Variants in PPP6R2 observed in about 807,000 individuals in gnomAD.
PPP6R2 encodes the protein serine/threonine-protein phosphatase 6 regulatory subunit 2.
PPP6R2 carries 62 observed loss-of-function variants against 100.2 expected under a neutral mutation model. The observed-to-expected ratio is 0.62, with a 90% CI of 0.50 to 0.76. The LOEUF (loss-of-function observed/expected upper bound fraction) is 0.76, where lower values mean the gene tolerates loss of function less well. Ranked by LOEUF, PPP6R2 falls within the 30% of genes least tolerant of loss-of-function variation. PPP6R2 has a pLI of 0.00. For missense variants in PPP6R2, 1,142 were observed against 1,276.3 expected (o/e 0.89, Z 1.60); for synonymous variants, 525 against 514.7 (o/e 1.02, Z -0.27).
rs1603429273 is a variant in PPP6R2 at position 50,444,102 on chromosome 22, C to A, written c.2816C>A (p.Thr939Lys). 6.2e-7 allele frequency: 1 copy of A among 1,612,362 alleles called. No homozygotes were observed. The highest frequency in any genetic ancestry group is 8.5e-7 in the Non-Finnish European group (1 of 1,179,078). Residue 939 changes from threonine to lysine, a missense_variant, in exon 23 of 24, where the codon ACA becomes AAA. Thr to Lys is a moderately conservative substitution (Grantham distance 78, BLOSUM62 -1). Around this residue, in one of 2 missense-constraint regions of PPP6R2, gnomAD observed 550 missense variants for 517.4 expected, o/e 1.06. Transcript: ENST00000612753. Reference sequence around the variant, plus strand: ...CCAGCCATGGTGGCCACCCTGGGGACAGTGACAAAGGACGGGTGAGCAGGT... The same window carrying A: ...CCAGCCATGGTGGCCACCCTGGGGAAAGTGACAAAGGACGGGTGAGCAGGT... ...AAPAMVATLG[T>K]VTKDGKTDAP...
chr22:50,356,410 A>T (rs1438225638), intron 1 of PPP6R2, among the ~76,000 whole-genome samples: 1 of 149,468 alleles, frequency 6.7e-6, no homozygotes, highest in Non-Finnish European at 1.5e-5. Context: ...TGAGGTAGTC[A>T]TCACACCTCA....
chr22:50,441,388 G>A (rs1288781622), intron 22 of PPP6R2, among the ~76,000 whole-genome samples: 1 of 152,214 alleles, frequency 6.6e-6, no homozygotes, highest in African/African-American at 2.4e-5. Context: ...CCAGCTCTTG[G>A]GGCTCTGGGC....
At chr22:50,409,335 A>G (rs1257915054) in intron 4 of PPP6R2, among the ~76,000 whole-genome samples, 2 of 152,200 alleles carry the variant, frequency 1.3e-5, no homozygotes, top group Non-Finnish European at 2.9e-5. Flanking sequence ...ATTCCACATC[A>G]TCTGTTCATG....
Position 50,435,007 on chromosome 22 carries a change from C to A in PPP6R2, c.1442C>A (p.Thr481Lys). ...GMRRGNMGHLTRIANAVVQNL... is the reference protein window; with the variant it reads ...GMRRGNMGHLKRIANAVVQNL... ...AGACGTGGGAACATGGGCCACCTCA[C>A]ACGGATCGCCAACGCGGTGGTGCAG... Residue 481 changes from threonine (T) to lysine (K), a missense_variant, in exon 13 of 24, where the codon ACA becomes AAA. Physicochemically the swap from Thr to Lys is moderately conservative, Grantham distance 78. This residue lies in a region of PPP6R2 where 592 missense variants were observed against 758.9 expected (regional missense o/e 0.78). Coordinates refer to ENST00000612753, the MANE Select transcript of PPP6R2 (RefSeq NM_001242898.2). 1 of 1,605,430 alleles carries A rather than the reference C, an allele frequency of 6.2e-7. No individual in the cohort carries two copies. The highest frequency in any genetic ancestry group is 8.5e-7 in the Non-Finnish European group (1 of 1,176,380).
At chr22:50,422,506 C>A (rs2061470682) in intron 9 of PPP6R2, 126 bp downstream of exon 9, 8 of 1,267,158 alleles carry the variant, frequency 6.3e-6, no homozygotes, top group Non-Finnish European at 8.5e-6. Context: ...TCTAAGACGG[C>A]CATTCCCACA....
intron 3 of PPP6R2, among the ~76,000 whole-genome samples, chr22:50,396,059 G>A (rs939531974): frequency 2.2e-4 from 33 of 151,542 alleles, no homozygotes; most frequent in Admixed American, 2.0e-3. Flanking sequence ...GCAGGGCGTA[G>A]TGGCGCACGC....
rs892651551 is a variant in PPP6R2, at chr22:50,394,129, G to A, written c.221G>A (p.Arg74His). 1 of 1,613,860 alleles carries A rather than the reference G, an allele frequency of 6.2e-7. No individual in the cohort carries two copies. The highest frequency in any genetic ancestry group is 8.5e-7 in the Non-Finnish European group (1 of 1,179,914). Residue 74 changes from arginine to histidine, a missense_variant, in exon 3 of 24, where the codon CGC becomes CAC. Arg to His is a conservative substitution (Grantham distance 29, BLOSUM62 0). Around this residue, in one of 2 missense-constraint regions of PPP6R2, gnomAD observed 592 missense variants for 758.9 expected, o/e 0.78. Coordinates refer to ENST00000612753, the MANE Select transcript of PPP6R2 (RefSeq NM_001242898.2). The stretch of plus-strand genomic sequence containing the variant: ...CCCCTGGACATGGAGGAGAAGGTCC[G>A]CTTCAAGTATGTACCAAAGCTGTGA... ...DPPLDMEEKV[R>H]FKYPNTACEL...
chr22:50,397,116 AC>A (rs1268760923), intron 3 of PPP6R2, among the ~76,000 whole-genome samples: 6 of 152,172 alleles, frequency 3.9e-5, no homozygotes, highest in Non-Finnish European at 7.3e-5. Flanking sequence ...GTAGATAAGT[AC>A]AGAACCAAGC....
Position 50,436,393 on chromosome 22 carries a change from T to C in PPP6R2, c.1543T>C (p.Trp515Arg). The C allele has an allele frequency of 6.3e-7, 1 of 1,588,242 alleles. No individual in the cohort carries two copies. The highest frequency in any genetic ancestry group is 1.2e-5 in the South Asian group (1 of 86,736). ...GCTCCCTGCGGACTGCCGTGGCCGC[T>C]GGGAGAGCTTCGTGGAGGAGACGCT... is the stretch of plus-strand genomic sequence containing the variant. ...RGLPADCRGRWESFVEETLTE... is the reference protein window; with the variant it reads ...RGLPADCRGRRESFVEETLTE... Residue 515 changes from tryptophan (W) to arginine (R), a missense_variant, in exon 14 of 24, where the codon TGG (tryptophan) becomes CGG (arginine). Around this residue, in one of 2 missense-constraint regions of PPP6R2, gnomAD observed 592 missense variants for 758.9 expected, o/e 0.78. Coordinates refer to ENST00000612753, the MANE Select transcript of PPP6R2 (RefSeq NM_001242898.2).
chr22:50,405,457 G>A (rs2058716776), intron 3 of PPP6R2, among the ~76,000 whole-genome samples: 1 of 146,626 alleles, frequency 6.8e-6, no homozygotes, highest in Non-Finnish European at 1.5e-5. Flanking sequence ...GGCCTGGAGA[G>A]AGGTGAGAGG....
intron 1 of PPP6R2, among the ~76,000 whole-genome samples, chr22:50,362,526 G>C (rs757411776): frequency 3.6e-4 from 55 of 152,294 alleles, no homozygotes; most frequent in Non-Finnish European, 6.5e-4. Flanking sequence ...TCTGCATGGA[G>C]GCCTCATGCC....
At chr22:50,443,587 G>C (rs1405318234) in intron 22 of PPP6R2, 1 of 513,036 alleles carries the variant, frequency 1.9e-6, no homozygotes, top group Non-Finnish European at 3.5e-6. Flanking sequence ...GGTCCTTGAA[G>C]AATGAGGCGC....
intron 1 of PPP6R2, among the ~76,000 whole-genome samples, chr22:50,366,697 G>T (rs902242379): frequency 6.6e-6 from 1 of 152,190 alleles, no homozygotes; most frequent in Non-Finnish European, 1.5e-5. Flanking sequence ...GGAGTGGGAG[G>T]TGTCCTGTGT....
In PPP6R2 at chr22:50,354,389, C is replaced by T. The variant is rs1469079578; in HGVS notation, c.-148+10839C>T. Among the ~76,000 whole-genome samples, 3 of 152,172 alleles carry T rather than the reference C, an allele frequency of 2.0e-5. No individual in the cohort carries two copies. In the South Asian group the frequency reaches 6.2e-4, roughly 32 times the overall value. ...AATTTTCTCAGAGTTACCAGTTGAG[C>T]TTCCCCAATAAGGAATCTGAAATGC... On this transcript the variant is annotated intron_variant, in intron 1 of 23. Transcript: ENST00000612753.
chr22:50,355,745 T>A (rs1263551541), intron 1 of PPP6R2, among the ~76,000 whole-genome samples: 14 of 140,588 alleles, frequency 1.0e-4, no homozygotes, highest in African/African-American at 3.8e-4. Flanking sequence ...ATGGTCTCGA[T>A]CTCCTTACCT....
intron 10 of PPP6R2, among the ~76,000 whole-genome samples, chr22:50,424,519 G>A (rs973270350): frequency 5.3e-5 from 8 of 149,684 alleles, no homozygotes; most frequent in Admixed American, 1.3e-4. Context: ...GTCTGTCCGC[G>A]TGTGGAACGT....
rs2059004473 is a variant in PPP6R2, at chr22:50,406,685, T to C, written c.228-4T>C. 5 of 1,612,178 alleles carry C rather than the reference T, an allele frequency of 3.1e-6. No individual in the cohort carries two copies. In the South Asian group the frequency reaches 5.5e-5, roughly 18 times the overall value. Reference sequence around the variant, plus strand: ...CCTCCAGTGCTTGGACTGTGCCCTTTTAGATATCCAAACACAGCCTGTGAG... The same window carrying C: ...CCTCCAGTGCTTGGACTGTGCCCTTCTAGATATCCAAACACAGCCTGTGAG... On this transcript the variant is annotated splice_polypyrimidine_tract_variant and splice_region_variant and intron_variant, in intron 3 of 23. Coordinates refer to ENST00000612753, the MANE Select transcript of PPP6R2 (RefSeq NM_001242898.2).
At position 50,444,323 on chromosome 22, in the gene PPP6R2, C is replaced by CTTT; in HGVS notation, c.*86_*88dup. 8.4e-7 allele frequency: 1 copy of CTTT among 1,194,492 alleles called. No homozygotes were observed. Among genetic ancestry groups the CTTT allele is most frequent in the Non-Finnish European group, 1.2e-6 (1 of 868,746 alleles). The allele number at this position is 1,194,492 out of a possible 1,614,324, so 74.0% of individuals were successfully genotyped here. A position where few individuals can be genotyped will look rare whatever the true frequency, so the allele number is the denominator to read the frequency against. ...CGAGAAAACTACCTGGTGATGCAATCTTTTTTTTTTTTAATTTAATTTAAT... is the reference window on the plus strand; with the variant it reads ...CGAGAAAACTACCTGGTGATGCAATCTTTTTTTTTTTTTTTAATTTAATTTAAT... On this transcript the variant is annotated 3_prime_UTR_variant, in exon 24 of 24. Coordinates refer to ENST00000612753, the MANE Select transcript of PPP6R2 (RefSeq NM_001242898.2).
chr22:50,443,216 G>C (rs971959869), intron 22 of PPP6R2: 1 of 152,494 alleles, frequency 6.6e-6, no homozygotes, highest in African/African-American at 2.4e-5. Flanking sequence ...GCTCTGAAAA[G>C]CAGGGAATAT....
Sources: gnomAD v4.1 joint callset for allele counts (sites outside exome capture counted in the v4.1 genomes callset) on GRCh38, gnomAD v4.1.1 for gene constraint, gnomAD v4.1.1 regional missense constraint, MANE v1.5 for transcripts, NCBI Gene and HGNC (gene_info 2026-07-23, HGNC 2026-07-21) for gene names.